Variants in ACACB observed in about 807,000 individuals in gnomAD.
ACACB encodes acetyl-CoA carboxylase 2.
A neutral mutation model predicts 278.8 loss-of-function variants in ACACB; 209 were observed. That is an observed-to-expected ratio of 0.75 (90% CI 0.67 to 0.84). The LOEUF is 0.84. Among genes scored for constraint, ACACB ranks in the 40% least tolerant of loss-of-function variants. The probability of loss-of-function intolerance (pLI) is 0.00; values close to 1 mark genes in which losing one functional copy is unlikely to be tolerated. For synonymous variants in ACACB, 1,174 were observed against 1,285.6 expected (o/e 0.91, Z 1.86); for missense variants, 2,850 against 3,269.0 (o/e 0.87, Z 3.13).
chr12:109,241,645 C>A, intron 36 of ACACB: 1 of 278,696 alleles, frequency 3.6e-6, no homozygotes, highest in East Asian at 8.2e-5. Flanking sequence ...CCACGCCTGG[C>A]CATATGGCCA....
intron 2 of ACACB, among the ~76,000 whole-genome samples, chr12:109,153,500 C>A (rs774213849): frequency 1.3e-5 from 2 of 152,060 alleles, no homozygotes; most frequent in Non-Finnish European, 2.9e-5. Flanking sequence ...CTGGGAGAAC[C>A]GCAGAGTGAT....
chr12:109,167,121 C>A, intron 3 of ACACB, 128 bp downstream of exon 3: 15 of 1,214,308 alleles, frequency 1.2e-5, no homozygotes, highest in Non-Finnish European at 1.8e-5. Flanking sequence ...GAGGGCCACG[C>A]TCCTCTGAGT....
Position 109,232,665 on chromosome 12 carries a change from A to G in ACACB, c.4002-4A>G, listed in dbSNP as rs765076545. The G allele has an allele frequency of 5.6e-6, 9 of 1,613,412 alleles. No individual in the cohort carries two copies. Among genetic ancestry groups the G allele is most frequent in the South Asian group, 2.2e-5 (2 of 90,984 alleles). On this transcript the variant is annotated splice_polypyrimidine_tract_variant and splice_region_variant and intron_variant, in intron 28 of 52. Transcript: ENST00000338432. ...CTCATCCCCGACTTGCCATCACCTT[A>G]CAGGATGACCGTGCCCATCAGCATC... is the stretch of plus-strand genomic sequence containing the variant.
At chr12:109,210,444 T>C (rs1326416031) in intron 21 of ACACB, among the ~76,000 whole-genome samples, 8 of 119,598 alleles carry the variant, frequency 6.7e-5, no homozygotes, top group Non-Finnish European at 1.2e-4. Flanking sequence ...CGCACATACA[T>C]GTGTATATAT....
chr12:109,199,517 C>A lies in ACACB; in HGVS notation c.2743C>A (p.His915Asn). Residue 915 changes from histidine to asparagine, a missense_variant, in exon 18 of 53, where the codon CAC (histidine) becomes AAC (asparagine). This residue lies in a region of ACACB where 2,265 missense variants were observed against 2,561.3 expected (regional missense o/e 0.88). Transcript: ENST00000338432. Reference sequence around the variant, plus strand: ...ACAGTACACAGTGGAGGATGGGGGCCACGTTGAGGCTGGGAGCAGCTACGC... The same window carrying A: ...ACAGTACACAGTGGAGGATGGGGGCAACGTTGAGGCTGGGAGCAGCTACGC... Reference protein sequence around the residue: ...LTQYTVEDGGHVEAGSSYAEM... With the variant: ...LTQYTVEDGGNVEAGSSYAEM... The A allele has an allele frequency of 6.6e-7, 1 of 1,518,808 alleles. No homozygotes were observed. The highest frequency in any genetic ancestry group is 1.3e-5 in the South Asian group (1 of 76,824). 94.1% of individuals were successfully genotyped at this position (1,518,808 alleles called of 1,614,324 possible).
intron 1 of ACACB, among the ~76,000 whole-genome samples, chr12:109,117,661 T>A (rs1365401794): frequency 6.6e-6 from 1 of 152,226 alleles, no homozygotes; most frequent in Non-Finnish European, 1.5e-5. Context: ...CTATTGTGAT[T>A]ACTTTTATTT....
At chr12:109,152,640 C>CTT (rs34863094) in intron 2 of ACACB, among the ~76,000 whole-genome samples, 7,658 of 74,892 alleles carry the variant, frequency 0.1, 704 homozygotes, top group Middle Eastern at 0.19. Flanking sequence ...TTCTTTCTTT[C>CTT]TTTTTTTTTT....
chr12:109,137,797 T>A (rs879445393), intron 1 of ACACB, among the ~76,000 whole-genome samples: 15 of 151,956 alleles, frequency 9.9e-5, no homozygotes, highest in South Asian at 4.1e-4. Flanking sequence ...CATTTAAAAA[T>A]TTTTTTTGAA....
chr12:109,135,887 G>T (rs1405793563), intron 1 of ACACB, among the ~76,000 whole-genome samples: 1 of 147,362 alleles, frequency 6.8e-6, no homozygotes, highest in Admixed American at 7.0e-5. Flanking sequence ...TCGGCTCACT[G>T]CAAGCTCTGC....
intron 4 of ACACB, among the ~76,000 whole-genome samples, chr12:109,168,290 C>G (rs77034837): frequency 0.024 from 3,698 of 152,294 alleles, 145 homozygotes; most frequent in African/African-American, 0.085. Flanking sequence ...TGTGTTCTAG[C>G]AGATTGGGGG....
Position 109,165,287 on chromosome 12 carries a change from C to T in ACACB, c.654-1574C>T, listed in dbSNP as rs1020988390. ...GGGCCTAGAGGACAGCCAGTACCTA[C>T]GGAAGGAGAACAGAGGCCTTCAGGA... On this transcript the variant is annotated intron_variant, in intron 2 of 52. Transcript: ENST00000338432. Among the ~76,000 whole-genome samples the T allele has an allele frequency of 4.6e-5, 7 of 152,072 alleles. No individual in the cohort carries two copies. The East Asian group carries it at 5.8e-4, about 13-fold the overall frequency.
At position 109,199,455 on chromosome 12, in the gene ACACB, C is replaced by T; in HGVS notation, c.2681C>T (p.Pro894Leu). Reference sequence around the variant, plus strand: ...TGTGTGTTTGAGAAGGAGAACGATCCTACAGTCCTGAGATCCCCCTCGGCT... The same window carrying T: ...TGTGTGTTTGAGAAGGAGAACGATCTTACAGTCCTGAGATCCCCCTCGGCT... ...KTCVFEKEND[P>L]TVLRSPSAGK... The change falls in exon 18 of 53, where the codon CCT becomes CTT. Residue 894 changes from proline (P) to leucine (L), a missense_variant. Transcript: ENST00000338432. 2 of 1,556,470 alleles carry T rather than the reference C, an allele frequency of 1.3e-6. No homozygotes were observed. The highest frequency in any genetic ancestry group is 1.7e-6 in the Non-Finnish European group (2 of 1,151,152).
At position 109,144,750 on chromosome 12, in the gene ACACB, C is replaced by CTTTTTTTTTTTT. The variant is rs770963307; in HGVS notation, c.653+4695_653+4696insTTTTTTTTTTTT. 1.3e-3 allele frequency among the ~76,000 whole-genome samples: 110 copies of CTTTTTTTTTTTT among 86,772 alleles called. 5 individuals carry two copies. The highest frequency in any genetic ancestry group is 2.5e-3 in the East Asian group (7 of 2,810). 56.9% of individuals were successfully genotyped at this position (86,772 alleles called of 152,430 possible). A position where few individuals can be genotyped will look rare whatever the true frequency, so the allele number is the denominator to read the frequency against. ...TCTTTCTTTTTCTTTTTCTTTCTTT[C>CTTTTTTTTTTTT]TTTCTTTTTTTTTTTTTTTTTTGAG... On this transcript the variant is annotated intron_variant, in intron 2 of 52. Transcript: ENST00000338432.
At chr12:109,227,249 C>A in intron 27 of ACACB, 122 bp from the exon 28 acceptor site, 1 of 886,930 alleles carries the variant, frequency 1.1e-6, no homozygotes, top group Non-Finnish European at 1.7e-6. Context: ...TGCACCCGGC[C>A]TGCTTACAGA....
At chr12:109,153,926 G>T (rs2043446510) in intron 2 of ACACB, among the ~76,000 whole-genome samples, 1 of 152,146 alleles carries the variant, frequency 6.6e-6, no homozygotes, top group Non-Finnish European at 1.5e-5. Flanking sequence ...CCAAAGTGCT[G>T]GTATTACAGG....
At position 109,162,960 on chromosome 12, in the gene ACACB, G is replaced by A. The variant is rs759298366; in HGVS notation, c.654-3901G>A. ...TTTTTTGAGATGGAGTTTTGCTCTT[G>A]TTGCCCAGGCTGGAGTGTAATGGCA... On this transcript the variant is annotated intron_variant, in intron 2 of 52. Transcript: ENST00000338432. Among the ~76,000 whole-genome samples the A allele has an allele frequency of 3.9e-5, 6 of 152,264 alleles. No homozygotes were observed. The South Asian group carries it at 1.2e-3, about 32-fold the overall frequency.
intron 2 of ACACB, among the ~76,000 whole-genome samples, chr12:109,141,180 G>GCCACCACAC (rs1297326436): frequency 1.3e-5 from 2 of 151,394 alleles, no homozygotes; most frequent in Non-Finnish European, 3.0e-5. Context: ...ACAGGCATGA[G>GCCACCACAC]CCACCACACC....
chr12:109,233,133 C>T (rs547928370), intron 29 of ACACB, among the ~76,000 whole-genome samples: 4 of 152,138 alleles, frequency 2.6e-5, no homozygotes, highest in Admixed American at 1.3e-4. Flanking sequence ...CCTCTCCATA[C>T]CTTCGTTTTC....
intron 46 of ACACB, 116 bp downstream of exon 46, chr12:109,258,480 C>T: frequency 1.3e-6 from 1 of 771,088 alleles, no homozygotes; most frequent in Non-Finnish European, 2.1e-6. Flanking sequence ...GCAGGGGACC[C>T]AGTGCAGTCC....
Sources: allele counts gnomAD v4.1 joint callset (sites outside exome capture counted in the v4.1 genomes callset), GRCh38; gene constraint gnomAD v4.1.1; regional missense constraint gnomAD v4.1.1; transcripts MANE v1.5; gene names NCBI Gene and HGNC (gene_info 2026-07-23, HGNC 2026-07-21).